SPOCK1: variants seen among roughly 807,000 people sequenced by gnomAD.
The protein encoded by SPOCK1 is testican-1.
A neutral mutation model predicts 55.3 loss-of-function variants in SPOCK1; 23 were observed. That is an observed-to-expected ratio of 0.42 (90% CI 0.30 to 0.59). The LOEUF (loss-of-function observed/expected upper bound fraction) is 0.59, where lower values mean the gene tolerates loss of function less well. SPOCK1 is among the 20% of genes least tolerant of loss of function. The pLI, the probability that SPOCK1 is intolerant of heterozygous loss-of-function variation, is 0.22. For synonymous variants in SPOCK1, 226 were observed against 221.0 expected, an observed-to-expected ratio of 1.02 and a Z score of -0.20; for missense variants, 499 against 552.5, an observed-to-expected ratio of 0.90 and a Z score of 0.97.
intron 6 of SPOCK1, among the ~76,000 whole-genome samples, chr5:137,013,067 CACAG>C (rs1413685839): frequency 6.6e-6 from 1 of 152,058 alleles, no homozygotes; most frequent in Non-Finnish European, 1.5e-5. Context: ...GAAAGAGAGA[CACAG>C]AGAGAGAGAC....
chr5:137,396,304 A>G (rs1453946752), intron 2 of SPOCK1, among the ~76,000 whole-genome samples: 6 of 152,242 alleles, frequency 3.9e-5, no homozygotes, highest in Admixed American at 3.9e-4. Flanking sequence ...GCATTTGACT[A>G]GCACAGTGTT....
chr5:136,995,867 G>A (rs1460368965), intron 6 of SPOCK1, among the ~76,000 whole-genome samples: 3 of 152,180 alleles, frequency 2.0e-5, no homozygotes, highest in African/African-American at 7.2e-5. Flanking sequence ...GGAGCCACTG[G>A]TGTGGGTCGA....
At chr5:137,305,376 T>A (rs1278481794) in intron 2 of SPOCK1, among the ~76,000 whole-genome samples, 1 of 152,206 alleles carries the variant, frequency 6.6e-6, no homozygotes, top group African/African-American at 2.4e-5. Flanking sequence ...TTCAGCCCCA[T>A]CCTGCTTATC....
chr5:137,281,303 C>T (rs967743578), intron 2 of SPOCK1, among the ~76,000 whole-genome samples: 9 of 152,160 alleles, frequency 5.9e-5, no homozygotes, highest in African/African-American at 2.2e-4. Flanking sequence ...TCCACGTACA[C>T]CAGTGGCATA....
intron 3 of SPOCK1, among the ~76,000 whole-genome samples, chr5:137,197,756 A>T (rs1426376768): frequency 6.6e-6 from 1 of 152,192 alleles, no homozygotes; most frequent in Non-Finnish European, 1.5e-5. Context: ...CAGCTGTTTG[A>T]CCATGGGCAA....
At chr5:137,028,751 TGA>T (rs1751724229) in intron 6 of SPOCK1, among the ~76,000 whole-genome samples, 1 of 149,460 alleles carries the variant, frequency 6.7e-6, no homozygotes, top group Non-Finnish European at 1.5e-5. Context: ...GACCCCAGAA[TGA>T]GAGTGAGGCT....
intron 3 of SPOCK1, among the ~76,000 whole-genome samples, chr5:137,241,440 T>C (rs1253571199): frequency 1.3e-5 from 2 of 152,338 alleles, no homozygotes; most frequent in East Asian, 3.9e-4. Flanking sequence ...ACATACTTAC[T>C]GCCAAGGCTG....
At position 137,166,011 on chromosome 5, in the gene SPOCK1, T is replaced by C. The variant is rs539085268; in HGVS notation, c.233-25317A>G. Among the ~76,000 whole-genome samples, 7 of 152,174 alleles carry C rather than the reference T, an allele frequency of 4.6e-5. No homozygotes were observed. The East Asian group carries it at 1.2e-3, about 25-fold the overall frequency. On this transcript the variant is annotated intron_variant, in intron 3 of 10. Transcript: ENST00000394945. ...GTAGAAAGTTCATTCAAAGTGATAA[T>C]AACAGAGAACTTCCCAAACCTACAG...
chr5:137,353,041 C>T (rs1057029418), intron 2 of SPOCK1, among the ~76,000 whole-genome samples: 3 of 152,182 alleles, frequency 2.0e-5, no homozygotes, highest in African/African-American at 7.2e-5. Context: ...AGCTGACAAA[C>T]TGAAAGAAGA....
chr5:137,352,054 C>T (rs1188040434), intron 2 of SPOCK1, among the ~76,000 whole-genome samples: 1 of 152,224 alleles, frequency 6.6e-6, no homozygotes, highest in East Asian at 1.9e-4. Context: ...TTGGAATCCT[C>T]TCTACAATAT....
intron 3 of SPOCK1, among the ~76,000 whole-genome samples, chr5:137,244,879 C>G (rs926206730): frequency 6.6e-6 from 1 of 152,228 alleles, no homozygotes; most frequent in East Asian, 1.9e-4. Context: ...CAACCCCCTA[C>G]AGGGTGGGGA....
At chr5:137,185,772 A>C (rs1042971234) in intron 3 of SPOCK1, among the ~76,000 whole-genome samples, 5 of 152,144 alleles carry the variant, frequency 3.3e-5, no homozygotes, top group African/African-American at 1.2e-4. Flanking sequence ...GCATCTAAGG[A>C]GGCCCCTGCA....
intron 2 of SPOCK1, among the ~76,000 whole-genome samples, chr5:137,274,237 T>C (rs1178743715): frequency 6.6e-6 from 1 of 152,182 alleles, no homozygotes; most frequent in Admixed American, 6.5e-5. Flanking sequence ...TTAGCAAAAT[T>C]ATCAAATTGA....
chr5:137,059,659 A>G (rs1347933479), intron 6 of SPOCK1, among the ~76,000 whole-genome samples: 1 of 152,244 alleles, frequency 6.6e-6, no homozygotes, highest in Non-Finnish European at 1.5e-5. Context: ...ACATCAACAG[A>G]GTAAATACAC....
intron 1 of SPOCK1, among the ~76,000 whole-genome samples, chr5:137,498,853 G>T (rs1465865986): frequency 6.6e-6 from 1 of 152,144 alleles, no homozygotes; most frequent in African/African-American, 2.4e-5. Flanking sequence ...CCTATCAGGG[G>T]CTTGGTACCC....
intron 2 of SPOCK1, among the ~76,000 whole-genome samples, chr5:137,315,144 G>A: frequency 6.6e-6 from 1 of 152,186 alleles, no homozygotes; most frequent in East Asian, 1.9e-4. Context: ...CTAGAACTAT[G>A]TCAAGGAATA....
chr5:137,021,180 A>G (rs990882735), intron 6 of SPOCK1, among the ~76,000 whole-genome samples: 3 of 152,168 alleles, frequency 2.0e-5, no homozygotes, highest in African/African-American at 7.2e-5. Flanking sequence ...CTTGTTTACA[A>G]TGTTGAATGC....
intron 4 of SPOCK1, among the ~76,000 whole-genome samples, chr5:137,127,961 C>T (rs936255756): frequency 8.5e-5 from 13 of 152,094 alleles, no homozygotes; most frequent in African/African-American, 9.7e-5. Flanking sequence ...ATTTAATGGG[C>T]GTCAGAGGAA....
chr5:137,307,722 T>C (rs562268002), intron 2 of SPOCK1, among the ~76,000 whole-genome samples: 1 of 152,344 alleles, frequency 6.6e-6, no homozygotes, highest in Non-Finnish European at 1.5e-5. Flanking sequence ...GCAGCCTGGA[T>C]GGACTGCCCT....
Sources: allele counts gnomAD v4.1 joint callset (sites outside exome capture counted in the v4.1 genomes callset), GRCh38; gene constraint gnomAD v4.1.1; transcripts MANE v1.5; gene names NCBI Gene and HGNC (gene_info 2026-07-23, HGNC 2026-07-21).